CSNK2A1: variants seen among roughly 807,000 people sequenced by gnomAD.
The protein encoded by CSNK2A1 is casein kinase 2 alpha 1.
A neutral mutation model predicts 62.9 loss-of-function variants in CSNK2A1; 10 were observed. That is an observed-to-expected ratio of 0.16 (90% CI 0.10 to 0.27). CSNK2A1 has a LOEUF of 0.27. CSNK2A1 is among the 10% of genes least tolerant of loss of function. The pLI is 1.00. For synonymous variants in CSNK2A1, 124 were observed against 167.8 expected, an observed-to-expected ratio of 0.74 and a Z score of 2.02; for missense variants, 160 against 492.0, an observed-to-expected ratio of 0.33 and a Z score of 6.38.
chr20:534,897 G>A (rs1391013244), intron 1 of CSNK2A1, among the ~76,000 whole-genome samples: 1 of 151,174 alleles, frequency 6.6e-6, no homozygotes, highest in Non-Finnish European at 1.5e-5. Flanking sequence ...AGCCAGGCGT[G>A]GCAGCGTGCG....
intron 4 of CSNK2A1, chr20:502,260 A>G (rs533346598): frequency 6.6e-6 from 1 of 152,350 alleles, no homozygotes; most frequent in East Asian, 1.9e-4. Flanking sequence ...ACAAGATAAT[A>G]TAAGTCTTCT....
At chr20:507,548 C>T (rs1439177559) in intron 3 of CSNK2A1, 1 of 152,160 alleles carries the variant, frequency 6.6e-6, no homozygotes, top group Non-Finnish European at 1.5e-5. Flanking sequence ...ATTAGGAGGG[C>T]AAACACAGCT....
rs372557928 is a variant in CSNK2A1 at position 492,329 on chromosome 20, A to G, written c.546T>C (p.Tyr182=). The change falls in exon 9 of 14, where the codon TAT becomes TAC. Residue 182 remains tyrosine (Y), a synonymous_variant. Transcript: ENST00000217244. ...RLIDWGLAEF[Y]HPGQEYNVRV... The stretch of plus-strand genomic sequence containing the variant: ...GGACATTATATTCTTGGCCAGGATG[A>G]TAAAACTCAGCCAAACCCCAGTCTA... 4 of 1,614,032 alleles carry G rather than the reference A, an allele frequency of 2.5e-6. No individual in the cohort carries two copies. In the African/African-American group the frequency reaches 4.0e-5, roughly 16 times the overall value.
chr20:497,929 A>G (rs2018378802), intron 6 of CSNK2A1, 149 bp from the exon 7 acceptor site: 1 of 624,746 alleles, frequency 1.6e-6, no homozygotes, highest in Non-Finnish European at 2.8e-6. Flanking sequence ...CCAACATTAC[A>G]TTAACTTTAA....
intron 7 of CSNK2A1, 75 bp from the exon 8 acceptor site, chr20:495,877 A>G: frequency 6.6e-6 from 9 of 1,360,522 alleles, no homozygotes; most frequent in Non-Finnish European, 9.4e-6. Context: ...CTCCATGTAA[A>G]TTTTCCTTTT....
intron 2 of CSNK2A1, among the ~76,000 whole-genome samples, chr20:518,319 A>G (rs2018868859): frequency 1.3e-5 from 2 of 152,200 alleles, no homozygotes; most frequent in African/African-American, 4.8e-5. Context: ...GGCCCTCTTC[A>G]TAAGGTGGGA....
chr20:505,004 T>G (rs1454858853), intron 4 of CSNK2A1, 114 bp downstream of exon 4: 1 of 838,584 alleles, frequency 1.2e-6, no homozygotes, highest in African/African-American at 1.7e-5. Flanking sequence ...CAATAAAATT[T>G]TATTTATTTG....
In CSNK2A1 at chr20:499,780, G is replaced by T; in HGVS notation, c.315+53C>A. 6.4e-7 allele frequency: 1 copy of T among 1,566,690 alleles called. No individual in the cohort carries two copies. The highest frequency in any genetic ancestry group is 1.1e-5 in the South Asian group (1 of 89,012). ...ACAAAAAGAGGCCAGTTGTGCTCCA[G>T]GTCAAACACCATCTCAGCTCTGGCG... On this transcript the variant is annotated intron_variant, in intron 5 of 13. Coordinates refer to ENST00000217244, the MANE Select transcript of CSNK2A1 (RefSeq NM_177559.3). The surrounding 1 kb of genome is among the most constrained non-coding windows in gnomAD (Gnocchi z 4.2).
At position 486,366 on chromosome 20, in the gene CSNK2A1, A is replaced by G; in HGVS notation, c.1060+10T>C. 5.0e-6 allele frequency: 8 copies of G among 1,613,446 alleles called. No homozygotes were observed. The highest frequency in any genetic ancestry group is 6.8e-6 in the Non-Finnish European group (8 of 1,179,722). ...ACATTTTTTTAAAGAAAATTTACCA[A>G]TGAACTGACCTGACATCATATTGGC... On this transcript the variant is annotated intron_variant, in intron 13 of 13. Coordinates refer to ENST00000217244, the MANE Select transcript of CSNK2A1 (RefSeq NM_177559.3).
At chr20:525,568 G>A (rs983526126) in intron 2 of CSNK2A1, among the ~76,000 whole-genome samples, 38 of 150,368 alleles carry the variant, frequency 2.5e-4, no homozygotes, top group Non-Finnish European at 4.0e-4. Flanking sequence ...AGAGAATGGC[G>A]TGAACCCGGG....
intron 2 of CSNK2A1, among the ~76,000 whole-genome samples, chr20:514,982 G>T (rs1473970819): frequency 6.6e-6 from 1 of 152,204 alleles, no homozygotes; most frequent in Non-Finnish European, 1.5e-5. Context: ...GGTGAGACAA[G>T]TATGCCATTG....
At chr20:515,910 G>C (rs1238408146) in intron 2 of CSNK2A1, among the ~76,000 whole-genome samples, 8 of 152,188 alleles carry the variant, frequency 5.3e-5, no homozygotes, top group African/African-American at 1.9e-4. Context: ...AAAGGTTCTT[G>C]AGTAATTGTT....
chr20:522,704 AT>A, intron 2 of CSNK2A1, among the ~76,000 whole-genome samples: 1 of 152,146 alleles, frequency 6.6e-6, no homozygotes, highest in Admixed American at 6.6e-5. Context: ...TTATTTATTT[AT>A]TTATTTTTAG....
At chr20:532,915 A>G (rs1302556959) in intron 1 of CSNK2A1, among the ~76,000 whole-genome samples, 1 of 152,212 alleles carries the variant, frequency 6.6e-6, no homozygotes, top group Non-Finnish European at 1.5e-5. Flanking sequence ...CTAGCTCAGA[A>G]GGATAAGCCA....
In CSNK2A1 at chr20:499,610, C is replaced by A; in HGVS notation, c.315+223G>T. On this transcript the variant is annotated intron_variant, in intron 5 of 13. Transcript: ENST00000217244. This position sits in a 1 kb window ranked among gnomAD's most constrained non-coding sequence, Gnocchi z 4.2. ...AAATGGATTAACACATTTCAGTTTC[C>A]AGTGCTATCAGTCTCTTAGCCTAGA... The A allele has an allele frequency of 1.8e-6, 1 of 564,876 alleles. No individual in the cohort carries two copies. 35.0% of individuals were successfully genotyped at this position (564,876 alleles called of 1,614,324 possible).
At chr20:518,587 C>T (rs1317011413) in intron 2 of CSNK2A1, among the ~76,000 whole-genome samples, 1 of 152,040 alleles carries the variant, frequency 6.6e-6, no homozygotes, top group Non-Finnish European at 1.5e-5. Context: ...CGCTCTGTCA[C>T]CCAGGCTGGA....
chr20:511,874 G>A (rs1215700670), intron 2 of CSNK2A1, among the ~76,000 whole-genome samples: 1 of 152,150 alleles, frequency 6.6e-6, no homozygotes, highest in African/African-American at 2.4e-5. Context: ...TATATATCCA[G>A]AAGTGGAACT....
In CSNK2A1 at chr20:525,391, G is replaced by A. The variant is rs143505370; in HGVS notation, c.-110+2542C>T. 2.1e-3 allele frequency among the ~76,000 whole-genome samples: 325 copies of A among 152,096 alleles called. 1 individual carries two copies. The highest frequency in any genetic ancestry group is 2.5e-3 in the Non-Finnish European group (169 of 68,024). ...AAATCGGCTGGGCGCAGTGGCTCAC[G>A]CCTGTAATCCCAGCACTGTGGGAGG... On this transcript the variant is annotated intron_variant, in intron 2 of 13. Coordinates refer to ENST00000217244, the MANE Select transcript of CSNK2A1 (RefSeq NM_177559.3).
Position 475,376 on chromosome 20 carries a change from C to T in CSNK2A1, c.*8585G>A. On this transcript the variant is annotated 3_prime_UTR_variant, in exon 14 of 14. Transcript: ENST00000217244. The stretch of plus-strand genomic sequence containing the variant: ...TTGGGAGGCTGAGGCAGGAGAATCG[C>T]TTGAACCTGGGAGGTGGAGGTTGCA... 1 of 151,400 alleles carries T rather than the reference C, an allele frequency of 6.6e-6. No individual in the cohort carries two copies. Among genetic ancestry groups the T allele is most frequent in the African/African-American group, 2.4e-5 (1 of 41,042 alleles). 9.4% of individuals were successfully genotyped at this position (151,400 alleles called of 1,614,324 possible).
Sources: gnomAD v4.1 joint callset for allele counts (sites outside exome capture counted in the v4.1 genomes callset) on GRCh38, gnomAD v4.1.1 for gene constraint, Gnocchi (gnomAD v3.1) non-coding constraint, MANE v1.5 for transcripts, NCBI Gene and HGNC (gene_info 2026-07-23, HGNC 2026-07-21) for gene names.